The following SLC27A4 variants were observed in gnomAD, a reference collection of about 807,000 sequenced individuals.
SLC27A4 encodes solute carrier family 27 member 4, also known as long-chain fatty acid transport protein 4.
SLC27A4 carries 33 observed loss-of-function variants against 64.4 expected under a neutral mutation model. That is an observed-to-expected ratio of 0.51 (90% CI 0.39 to 0.68). SLC27A4 has a LOEUF of 0.68. Among genes scored for constraint, SLC27A4 ranks in the 30% least tolerant of loss-of-function variants. The pLI is 0.00. For synonymous variants in SLC27A4, 377 were observed against 370.0 expected, an observed-to-expected ratio of 1.02 and a Z score of -0.22; for missense variants, 824 against 883.5, an observed-to-expected ratio of 0.93 and a Z score of 0.85.
chr9:128,349,654 T>C (rs1832705458), intron 4 of SLC27A4, among the ~76,000 whole-genome samples: 1 of 152,144 alleles, frequency 6.6e-6, no homozygotes, highest in Admixed American at 6.5e-5. Flanking sequence ...GCAGAGAGCA[T>C]GAGGTGTCTC....
chr9:128,342,054 T>G (rs966479336), intron 1 of SLC27A4: 2 of 593,570 alleles, frequency 3.4e-6, no homozygotes, highest in Non-Finnish European at 6.2e-6. Context: ...GGCTCTTAAG[T>G]CAGTACCCAC....
chr9:128,346,833 C>T (rs1832664470), intron 3 of SLC27A4, among the ~76,000 whole-genome samples: 1 of 151,258 alleles, frequency 6.6e-6, no homozygotes, highest in Non-Finnish European at 1.5e-5. Context: ...AACCCCGTCT[C>T]TAATAAAAAT....
chr9:128,342,823 A>G, intron 1 of SLC27A4: 1 of 503,648 alleles, frequency 2.0e-6, no homozygotes, highest in Non-Finnish European at 3.7e-6. Context: ...ACTAAGGTCT[A>G]AAATGTGAAA....
chr9:128,343,549 G>A (rs1292122240), intron 2 of SLC27A4, among the ~76,000 whole-genome samples: 3 of 152,174 alleles, frequency 2.0e-5, no homozygotes, highest in Non-Finnish European at 4.4e-5. Context: ...GGCCTAGGAC[G>A]TACATTGAAC....
rs778672007 is a variant in SLC27A4 at position 128,353,467 on chromosome 9, G to A, written c.1250G>A (p.Arg417Gln). 1.3e-5 allele frequency: 21 copies of A among 1,614,038 alleles called. No individual in the cohort carries two copies. The highest frequency in any genetic ancestry group is 2.2e-5 in the East Asian group (1 of 44,880). Reference protein sequence around the residue: ...SRILSFVYPIRLVRVNEDTME... With the variant: ...SRILSFVYPIQLVRVNEDTME... ...ATCCTGTCCTTCGTGTACCCCATCC[G>A]GTTGGTACGTGTCAACGAGGACACC... The change falls in exon 9 of 13, where the codon CGG becomes CAG. Residue 417 changes from arginine (R) to glutamine (Q), a missense_variant. By Grantham distance (43) the Arg-to-Gln change is conservative (BLOSUM62 1). Coordinates refer to ENST00000300456, the MANE Select transcript of SLC27A4 (RefSeq NM_005094.4). The surrounding 1 kb of genome is among the most constrained non-coding windows in gnomAD (Gnocchi z 4.9).
At position 128,348,347 on chromosome 9, in the gene SLC27A4, G is replaced by A. The variant is rs145935167; in HGVS notation, c.557-198G>A. Among the ~76,000 whole-genome samples, 11 of 152,318 alleles carry A rather than the reference G, an allele frequency of 7.2e-5. No individual in the cohort carries two copies. The East Asian group carries it at 1.3e-3, about 19-fold the overall frequency. ...TGAGACCAGGGAATGCAGGTAAAGCGGACCTACTCTGTGGTTAGCCCATGG... is the reference window on the plus strand; with the variant it reads ...TGAGACCAGGGAATGCAGGTAAAGCAGACCTACTCTGTGGTTAGCCCATGG... On this transcript the variant is annotated intron_variant, in intron 3 of 12. Transcript: ENST00000300456.
intron 2 of SLC27A4, among the ~76,000 whole-genome samples, chr9:128,344,383 G>A (rs528429405): frequency 6.6e-6 from 1 of 152,264 alleles, no homozygotes; most frequent in Non-Finnish European, 1.5e-5. Context: ...GCCAGGCATG[G>A]TGGTGCACAC....
chr9:128,345,259 A>G lies in SLC27A4; in HGVS notation c.266A>G (p.Asp89Gly), dbSNP rs2131253384. The G allele has an allele frequency of 6.2e-7, 1 of 1,613,860 alleles. No individual in the cohort carries two copies. Among genetic ancestry groups the G allele is most frequent in the East Asian group, 2.2e-5 (1 of 44,860 alleles). Residue 89 changes from aspartate to glycine, a missense_variant, in exon 3 of 13, where the codon GAC becomes GGC. Physicochemically the swap from Asp to Gly is moderately conservative, Grantham distance 94. Transcript: ENST00000300456. This position sits in a 1 kb window ranked among gnomAD's most constrained non-coding sequence, Gnocchi z 4.1. ...GCCTCTACCGTTCGGCGCCACCCCG[A>G]CAAGACGGCCCTGATCTTCGAGGGC... ...LFASTVRRHPDKTALIFEGTD... is the reference protein window; with the variant it reads ...LFASTVRRHPGKTALIFEGTD...
In SLC27A4 at chr9:128,345,219, G is replaced by C. The variant is rs1193226508; in HGVS notation, c.226G>C (p.Val76Leu). 1 of 1,613,762 alleles carries C rather than the reference G, an allele frequency of 6.2e-7. No individual in the cohort carries two copies. Among genetic ancestry groups the C allele is most frequent in the Admixed American group, 1.7e-5 (1 of 60,016 alleles). The change falls in exon 3 of 13, where the codon GTG (valine) becomes CTG (leucine). Residue 76 changes from valine to leucine, a missense_variant. Transcript: ENST00000300456. The surrounding 1 kb of genome is among the most constrained non-coding windows in gnomAD (Gnocchi z 4.1). ...VRQCLQERRT[V>L]PILFASTVRR... ...ACAGTGCCTGCAGGAGCGGCGGACA[G>C]TGCCCATTTTGTTTGCCTCTACCGT...
chr9:128,342,519 C>G, intron 1 of SLC27A4: 1 of 948,676 alleles, frequency 1.1e-6, no homozygotes, highest in Non-Finnish European at 1.6e-6. Flanking sequence ...CTACTGACAA[C>G]GAAGGCTGCG....
At chr9:128,355,936 A>T in intron 12 of SLC27A4, 140 bp downstream of exon 12, 1 of 1,103,928 alleles carries the variant, frequency 9.1e-7, no homozygotes, top group Non-Finnish European at 1.4e-6. Flanking sequence ...TGTAGAGGTG[A>T]GCAGACGGGG....
At position 128,355,074 on chromosome 9, in the gene SLC27A4, G is replaced by A. The variant is rs756038092; in HGVS notation, c.1346G>A (p.Gly449Asp). ...CQPGEPGQLV[G>D]RIIQKDPLRR... Reference sequence around the variant, plus strand: ...CCAGGTGAGCCGGGCCAGCTGGTGGGCCGCATCATCCAGAAAGACCCCCTG... The same window carrying A: ...CCAGGTGAGCCGGGCCAGCTGGTGGACCGCATCATCCAGAAAGACCCCCTG... The change falls in exon 10 of 13, where the codon GGC (glycine) becomes GAC (aspartate). Residue 449 changes from glycine to aspartate, a missense_variant. Coordinates refer to ENST00000300456, the MANE Select transcript of SLC27A4 (RefSeq NM_005094.4). 4.3e-6 allele frequency: 7 copies of A among 1,611,072 alleles called. No individual in the cohort carries two copies. The highest frequency in any genetic ancestry group is 5.9e-6 in the Non-Finnish European group (7 of 1,178,830).
chr9:128,352,604 C>A, intron 6 of SLC27A4, 34 bp from the exon 7 acceptor site: 2 of 1,534,198 alleles, frequency 1.3e-6, no homozygotes, highest in South Asian at 1.1e-5. Context: ...GTCTTCATCT[C>A]GCTGACCCTC....
At position 128,353,771 on chromosome 9, in the gene SLC27A4, T is replaced by G. The variant is rs199700839; in HGVS notation, c.1324+230T>G. Reference sequence around the variant, plus strand: ...TTTTTTTTTTTTATTTGAGACGGAGTCTCGCTCTGTCGCCCAGGCTGGAGT... The same window carrying G: ...TTTTTTTTTTTTATTTGAGACGGAGGCTCGCTCTGTCGCCCAGGCTGGAGT... On this transcript the variant is annotated intron_variant, in intron 9 of 12. Coordinates refer to ENST00000300456, the MANE Select transcript of SLC27A4 (RefSeq NM_005094.4). The surrounding 1 kb of genome is among the most constrained non-coding windows in gnomAD (Gnocchi z 4.9). 0.11 allele frequency among the ~76,000 whole-genome samples: 12,728 copies of G among 117,690 alleles called. 76 individuals carry two copies. The highest frequency in any genetic ancestry group is 0.35 in the African/African-American group (7,410 of 20,966). 77.2% of individuals were successfully genotyped at this position (117,690 alleles called of 152,430 possible).
At chr9:128,358,717 GA>G (rs1424410092) in intron 12 of SLC27A4, among the ~76,000 whole-genome samples, 12 of 152,212 alleles carry the variant, frequency 7.9e-5, no homozygotes, top group African/African-American at 2.7e-4. Flanking sequence ...AAAGTGCCGG[GA>G]TTACAGGCGT....
intron 3 of SLC27A4, among the ~76,000 whole-genome samples, chr9:128,347,599 C>T (rs573429192): frequency 2.6e-5 from 4 of 151,464 alleles, no homozygotes; most frequent in East Asian, 3.9e-4. Flanking sequence ...TGGTGGCACA[C>T]GCCTGTAATC....
intron 6 of SLC27A4, among the ~76,000 whole-genome samples, chr9:128,350,964 A>G (rs7852184): frequency 0.33 from 50,762 of 151,876 alleles, 12,200 homozygotes; most frequent in African/African-American, 0.69. Flanking sequence ...GTGGTGGCTC[A>G]TGCCTGTAGG....
rs781689985 is a variant in SLC27A4, at chr9:128,343,338, T to A, written c.161+45T>A. On this transcript the variant is annotated intron_variant, in intron 2 of 12. Coordinates refer to ENST00000300456, the MANE Select transcript of SLC27A4 (RefSeq NM_005094.4). ...TTTCCTGGGGTCTGCCACACTACAG[T>A]GAGCTTCTGGTCCCCCAAATCTCCC... 1.9e-6 allele frequency: 3 copies of A among 1,610,888 alleles called. No individual in the cohort carries two copies. The South Asian group carries it at 3.3e-5, about 18-fold the overall frequency.
In SLC27A4 at chr9:128,352,676, A is replaced by T. The variant is rs150297777; in HGVS notation, c.916A>T (p.Met306Leu). The change falls in exon 7 of 13, where the codon ATG (methionine) becomes TTG (leucine). Residue 306 changes from methionine to leucine, a missense_variant. Coordinates refer to ENST00000300456, the MANE Select transcript of SLC27A4 (RefSeq NM_005094.4). The part of the protein sequence containing the change: ...VGIGQCLLHG[M>L]TVVIRKKFSA... ...AATCGGCCAGTGCCTGCTGCATGGC[A>T]TGACGGTGGTGATTCGGAAGAAGTT... The T allele has an allele frequency of 2.5e-6, 4 of 1,614,076 alleles. No homozygotes were observed. The highest frequency in any genetic ancestry group is 3.4e-6 in the Non-Finnish European group (4 of 1,180,030).
Sources: allele counts gnomAD v4.1 joint callset (sites outside exome capture counted in the v4.1 genomes callset), GRCh38; gene constraint gnomAD v4.1.1; non-coding constraint Gnocchi (gnomAD v3.1); transcripts MANE v1.5; gene names NCBI Gene and HGNC (gene_info 2026-07-23, HGNC 2026-07-21).